Variants in PCDHA11 observed in about 807,000 individuals in gnomAD.
PCDHA11 encodes the protein protocadherin alpha-11.
Under a neutral mutation model 70.3 loss-of-function variants are expected in PCDHA11, and 61 were observed. The observed-to-expected ratio is 0.87, with a 90% confidence interval of 0.71 to 1.07. The LOEUF is 1.07. Ranked by LOEUF, PCDHA11 falls within the 50% of genes least tolerant of loss-of-function variation. The pLI is 0.00. For missense variants in PCDHA11, 1,324 were observed against 1,237.5 expected (o/e 1.07, Z -1.05); for synonymous variants, 633 against 555.1 (o/e 1.14, Z -1.97).
intron 1 of PCDHA11, chr5:140,927,274 G>T: frequency 6.2e-7 from 1 of 1,614,100 alleles, no homozygotes; most frequent in Non-Finnish European, 8.5e-7. Context: ...TCCTGCCGGC[G>T]ACGTGCAGCT....
At chr5:140,944,439 G>A (rs1022400391) in intron 1 of PCDHA11, among the ~76,000 whole-genome samples, 7 of 152,022 alleles carry the variant, frequency 4.6e-5, no homozygotes, top group African/African-American at 1.2e-4. Context: ...TGCCTGCCTC[G>A]GCCTCCCAAA....
chr5:140,980,608 G>A (rs994415170), intron 2 of PCDHA11, among the ~76,000 whole-genome samples: 6 of 151,850 alleles, frequency 4.0e-5, no homozygotes, highest in African/African-American at 7.3e-5. Context: ...CCAGCCTGGC[G>A]ACAGTGCGAG....
chr5:140,903,491 G>T (rs1253397353), intron 1 of PCDHA11, among the ~76,000 whole-genome samples: 4 of 152,094 alleles, frequency 2.6e-5, no homozygotes, highest in African/African-American at 9.7e-5. Flanking sequence ...GTTCTGAGCA[G>T]GTACCATAGA....
chr5:140,965,855 T>G (rs961780781), intron 1 of PCDHA11, among the ~76,000 whole-genome samples: 1 of 152,226 alleles, frequency 6.6e-6, no homozygotes, highest in African/African-American at 2.4e-5. Context: ...AGGCACACAC[T>G]GAAAATAAGG....
At chr5:140,884,260 G>C (rs781862611) in intron 1 of PCDHA11, 1 of 1,613,410 alleles carries the variant, frequency 6.2e-7, no homozygotes, top group Admixed American at 1.7e-5. Flanking sequence ...CCACGGCAAC[G>C]GTGCTGTTGT....
intron 1 of PCDHA11, chr5:140,883,393 C>T (rs781845683): frequency 1.2e-6 from 2 of 1,614,160 alleles, no homozygotes; most frequent in South Asian, 2.2e-5. Flanking sequence ...TCAGTGTGTC[C>T]GATCGTGACT....
intron 1 of PCDHA11, chr5:140,883,308 C>A: frequency 6.2e-7 from 1 of 1,614,102 alleles, no homozygotes; most frequent in Non-Finnish European, 8.5e-7. Context: ...AATGATAACG[C>A]CCCAGAGGTT....
intron 1 of PCDHA11, chr5:140,968,252 C>T: frequency 1.2e-6 from 2 of 1,613,948 alleles, no homozygotes; most frequent in Non-Finnish European, 1.7e-6. Context: ...AGCCACAGAC[C>T]CAGATGAAAA....
At chr5:140,884,075 T>C (rs2059980601) in intron 1 of PCDHA11, 1 of 1,613,342 alleles carries the variant, frequency 6.2e-7, no homozygotes, top group South Asian at 1.1e-5. Context: ...CGATTCGGGC[T>C]ACAATGCGTG....
chr5:140,941,685 A>G (rs983394705), intron 1 of PCDHA11, among the ~76,000 whole-genome samples: 2 of 151,952 alleles, frequency 1.3e-5, no homozygotes, highest in Non-Finnish European at 2.9e-5. Flanking sequence ...TATTCTGTTT[A>G]CCTCTTTGGG....
At chr5:141,006,745 T>C (rs1554260891) in intron 3 of PCDHA11, among the ~76,000 whole-genome samples, 1 of 152,144 alleles carries the variant, frequency 6.6e-6, no homozygotes, top group Non-Finnish European at 1.5e-5. Flanking sequence ...TGATGTATTA[T>C]AAATGGAGAA....
chr5:140,894,821 C>T, intron 1 of PCDHA11, among the ~76,000 whole-genome samples: 1 of 151,806 alleles, frequency 6.6e-6, no homozygotes, highest in Non-Finnish European at 1.5e-5. Context: ...TCAGATTTGC[C>T]CATAATCCTT....
chr5:140,927,582 G>A lies in PCDHA11; in HGVS notation c.2392-51367G>A, dbSNP rs1554204771. On this transcript the variant is annotated intron_variant, in intron 1 of 3. Transcript: ENST00000398640. ...TTGTGGTGGACACAAATGACAACGCGCCTGTATTTGAGCGCTCCGTATACC... is the reference window on the plus strand; with the variant it reads ...TTGTGGTGGACACAAATGACAACGCACCTGTATTTGAGCGCTCCGTATACC... 3.7e-6 allele frequency: 6 copies of A among 1,614,174 alleles called. No individual in the cohort carries two copies. In the East Asian group the frequency reaches 1.1e-4, roughly 30 times the overall value.
chr5:140,966,363 G>A (rs1476634162), intron 1 of PCDHA11: 3 of 402,216 alleles, frequency 7.5e-6, no homozygotes, highest in Admixed American at 4.4e-5. Flanking sequence ...GGGCTGGAGA[G>A]GCTGAGCAGT....
intron 1 of PCDHA11, chr5:140,876,863 T>C (rs1225401565): frequency 4.3e-6 from 7 of 1,613,806 alleles, no homozygotes; most frequent in Non-Finnish European, 5.1e-6. Flanking sequence ...ACAGTGTTCG[T>C]GAAGGAGAAC....
rs781928314 is a variant in PCDHA11 at position 140,876,618 on chromosome 5, T to A, written c.2391+5124T>A. On this transcript the variant is annotated intron_variant, in intron 1 of 3. Coordinates refer to ENST00000398640, the MANE Select transcript of PCDHA11 (RefSeq NM_018902.5). ...TGTCGGATCGTGACTCTGGAGCCAA[T>A]GGACAGGTCATCTGCTCACTGACAC... is the stretch of plus-strand genomic sequence containing the variant. 3.7e-6 allele frequency: 6 copies of A among 1,614,074 alleles called. No homozygotes were observed. The South Asian group carries it at 4.4e-5, about 12-fold the overall frequency.
intron 1 of PCDHA11, chr5:140,926,630 C>T (rs754707244): frequency 6.0e-5 from 25 of 417,902 alleles, no homozygotes; most frequent in Non-Finnish European, 3.3e-5. Context: ...CGGCGCTGCG[C>T]TCCTCAACAC....
intron 1 of PCDHA11, among the ~76,000 whole-genome samples, chr5:140,886,628 C>T (rs1305924545): frequency 6.6e-6 from 1 of 151,764 alleles, no homozygotes; most frequent in African/African-American, 2.4e-5. Context: ...GAGTCCGAGA[C>T]CAGCCTGGCC....
rs376697527 is a variant in PCDHA11, at chr5:140,912,219, T to G, written c.2391+40725T>G. ...CCCAGATTGAGGGTAGATCTGCCTT[T>G]CCCAGTCCACTGACTCAAATGTTAA... On this transcript the variant is annotated intron_variant, in intron 1 of 3. Transcript: ENST00000398640. 4.3e-4 allele frequency among the ~76,000 whole-genome samples: 66 copies of G among 152,026 alleles called. 1 individual carries two copies. In the South Asian group the frequency reaches 0.013, roughly 30 times the overall value.
Sources: gnomAD v4.1 joint callset for allele counts (sites outside exome capture counted in the v4.1 genomes callset) on GRCh38, gnomAD v4.1.1 for gene constraint, MANE v1.5 for transcripts, NCBI Gene and HGNC (gene_info 2026-07-23, HGNC 2026-07-21) for gene names.